SNX18: variants seen among roughly 807,000 people sequenced by gnomAD.
SNX18 encodes the protein sorting nexin-18.
SNX18 carries 35 observed loss-of-function variants against 48.7 expected under a neutral mutation model. That is an observed-to-expected ratio of 0.72 (90% CI 0.55 to 0.95). SNX18 has a LOEUF of 0.95. SNX18 is among the 40% of genes least tolerant of loss of function. The pLI is 0.00. For synonymous variants in SNX18, 492 were observed against 384.7 expected (o/e 1.28, Z -3.26); for missense variants, 824 against 871.0 (o/e 0.95, Z 0.68).
At chr5:54,525,735 C>T (rs1381050562) in intron 1 of SNX18, among the ~76,000 whole-genome samples, 1 of 152,090 alleles carries the variant, frequency 6.6e-6, no homozygotes, top group Non-Finnish European at 1.5e-5. Context: ...AAGTGAGGTT[C>T]ATTATTTCCT....
At chr5:54,590,812 G>T in the SNX18 span, among the ~76,000 whole-genome samples, 1 of 152,094 alleles carries the variant, frequency 6.6e-6, no homozygotes, top group Non-Finnish European at 1.5e-5. Flanking sequence ...TTGCTTACTG[G>T]TCTCCCTTCC....
the SNX18 span, among the ~76,000 whole-genome samples, chr5:54,582,331 G>A: frequency 1.3e-5 from 2 of 152,046 alleles, no homozygotes; most frequent in Admixed American, 1.3e-4. Context: ...TTTGTCTCTG[G>A]GCCAGAATAC....
chr5:54,602,103 C>A, the SNX18 span, among the ~76,000 whole-genome samples: 4 of 152,136 alleles, frequency 2.6e-5, no homozygotes, highest in Non-Finnish European at 5.9e-5. Context: ...AAGAATATGG[C>A]CCTACTGGAA....
At chr5:54,614,989 A>G in the SNX18 span, among the ~76,000 whole-genome samples, 1 of 152,172 alleles carries the variant, frequency 6.6e-6, no homozygotes, top group East Asian at 1.9e-4. Flanking sequence ...AGAGATTAAG[A>G]AACTTGTCCA....
the SNX18 span, among the ~76,000 whole-genome samples, chr5:54,579,976 A>ATG: frequency 1.3e-5 from 2 of 152,200 alleles, no homozygotes; most frequent in East Asian, 3.8e-4. Context: ...TGTTGTACCC[A>ATG]ATAGTTGCCT....
At chr5:54,608,086 G>A in the SNX18 span, among the ~76,000 whole-genome samples, 136,389 of 152,208 alleles carry the variant, frequency 0.9, 62,200 homozygotes, top group South Asian at 0.98. Context: ...TTTTTAAAGA[G>A]ACTGCCAAAC....
the SNX18 span, among the ~76,000 whole-genome samples, chr5:54,643,018 T>C: frequency 6.6e-6 from 1 of 152,194 alleles, no homozygotes; most frequent in Non-Finnish European, 1.5e-5. Context: ...TGGTATCTTA[T>C]AGCCACAGGC....
chr5:54,621,468 G>T, the SNX18 span, among the ~76,000 whole-genome samples: 1 of 152,090 alleles, frequency 6.6e-6, no homozygotes, highest in Non-Finnish European at 1.5e-5. Context: ...AAGATTTGAG[G>T]CTAGTTTTCT....
chr5:54,607,917 G>C, the SNX18 span, among the ~76,000 whole-genome samples: 1 of 151,952 alleles, frequency 6.6e-6, no homozygotes, highest in South Asian at 2.1e-4. Context: ...CTGGGTGACC[G>C]AGCAAGACTG....
the SNX18 span, among the ~76,000 whole-genome samples, chr5:54,647,834 T>G: frequency 6.6e-6 from 1 of 151,684 alleles, no homozygotes; most frequent in Non-Finnish European, 1.5e-5. Flanking sequence ...GAGAACAGAT[T>G]TGAGAGAAGT....
chr5:54,567,115 A>G, the SNX18 span, among the ~76,000 whole-genome samples: 1 of 152,136 alleles, frequency 6.6e-6, no homozygotes, highest in African/African-American at 2.4e-5. Flanking sequence ...GTGTTATTAC[A>G]ATCAAATTTT....
chr5:54,613,042 C>T, the SNX18 span, among the ~76,000 whole-genome samples: 2 of 152,226 alleles, frequency 1.3e-5, no homozygotes, highest in Non-Finnish European at 2.9e-5. Flanking sequence ...ATGGGATAAG[C>T]TGCTTGTATT....
the SNX18 span, among the ~76,000 whole-genome samples, chr5:54,638,846 C>T: frequency 6.6e-6 from 1 of 152,186 alleles, no homozygotes; most frequent in Non-Finnish European, 1.5e-5. Flanking sequence ...CCTGGCCACA[C>T]CCCTCCAGGG....
the SNX18 span, among the ~76,000 whole-genome samples, chr5:54,583,982 G>GA: frequency 7.9e-5 from 12 of 151,938 alleles, no homozygotes; most frequent in Admixed American, 7.9e-4. Context: ...CCTTGACACT[G>GA]ACTGCCTTGC....
the SNX18 span, among the ~76,000 whole-genome samples, chr5:54,620,387 G>A: frequency 6.6e-6 from 1 of 152,186 alleles, no homozygotes; most frequent in Non-Finnish European, 1.5e-5. Flanking sequence ...ACTGGGGGAT[G>A]CAGTCAGCCT....
At chr5:54,553,297 G>A in the SNX18 span, among the ~76,000 whole-genome samples, 3,031 of 152,276 alleles carry the variant, frequency 0.02, 54 homozygotes, top group East Asian at 0.093. Context: ...CGTGATAAAC[G>A]AGACATGGTG....
At chr5:54,617,713 T>C in the SNX18 span, among the ~76,000 whole-genome samples, 1 of 152,170 alleles carries the variant, frequency 6.6e-6, no homozygotes, top group Non-Finnish European at 1.5e-5. Context: ...TCTCTCTTTT[T>C]TCCCCTCTCT....
the SNX18 span, among the ~76,000 whole-genome samples, chr5:54,585,188 A>C: frequency 6.6e-6 from 1 of 150,978 alleles, no homozygotes; most frequent in Non-Finnish European, 1.5e-5. Flanking sequence ...ACTACTCAGG[A>C]GGCTGAGGTG....
chr5:54,519,194 C>T lies in SNX18; in HGVS notation c.1242C>T (p.Pro414=). Residue 414 remains proline (P), a synonymous_variant, in exon 1 of 2, where the codon CCC becomes CCT. Coordinates refer to ENST00000381410, the MANE Select transcript of SNX18 (RefSeq NM_001102575.2). Reference sequence around the variant, plus strand: ...ACTTCTTCCTGACCCTTAGCACGCCCCCCGCCGCTGCCCTTGACCTGCAGG... The same window carrying T: ...ACTTCTTCCTGACCCTTAGCACGCCTCCCGCCGCTGCCCTTGACCTGCAGG... The part of the protein sequence containing the change: ...GANFFLTLST[P]PAAALDLQEV... 6.2e-7 allele frequency: 1 copy of T among 1,613,938 alleles called. No individual in the cohort carries two copies. The highest frequency in any genetic ancestry group is 8.5e-7 in the Non-Finnish European group (1 of 1,179,934).
Sources: gnomAD v4.1 joint callset for allele counts (sites outside exome capture counted in the v4.1 genomes callset) on GRCh38, gnomAD v4.1.1 for gene constraint, MANE v1.5 for transcripts, NCBI Gene and HGNC (gene_info 2026-07-23, HGNC 2026-07-21) for gene names.